Variants in MICAL3 observed in about 807,000 individuals in gnomAD.
MICAL3 encodes microtubule associated monooxygenase, calponin and LIM domain containing 3, also known as [F-actin]-monooxygenase MICAL3.
Under a neutral mutation model 207.4 loss-of-function variants are expected in MICAL3, and 62 were observed. That is an observed-to-expected ratio of 0.30 (90% CI 0.24 to 0.37). The LOEUF is 0.37. Among genes scored for constraint, MICAL3 ranks in the 10% least tolerant of loss-of-function variants. The pLI, the probability that MICAL3 is intolerant of heterozygous loss-of-function variation, is 1.00. For missense variants in MICAL3, 2,368 were observed against 2,635.6 expected (o/e 0.90, Z 2.22); for synonymous variants, 1,077 against 1,069.3 (o/e 1.01, Z -0.14).
intron 19 of MICAL3, among the ~76,000 whole-genome samples, chr22:17,852,668 A>C (rs1002773052): frequency 2.0e-5 from 3 of 152,192 alleles, no homozygotes; most frequent in Non-Finnish European, 4.4e-5. Context: ...CCTGGGTCTA[A>C]CCAGCAACCC....
rs375482061 is a variant in MICAL3, at chr22:17,860,103, C to A, written c.2605+4796G>T. 6 of 865,316 alleles carry A rather than the reference C, an allele frequency of 6.9e-6. No individual in the cohort carries two copies. The South Asian group carries it at 2.1e-4, about 31-fold the overall frequency. 53.6% of individuals were successfully genotyped at this position (865,316 alleles called of 1,614,324 possible). On this transcript the variant is annotated intron_variant, in intron 19 of 31. Transcript: ENST00000441493. ...CTCCCAAGACCTGCCTGAGCCTCCC[C>A]CTTTCCCACCCTCTGGTCAAGAGAA...
chr22:17,831,255 C>T (rs1404228647), intron 21 of MICAL3, among the ~76,000 whole-genome samples: 1 of 81,210 alleles, frequency 1.2e-5, no homozygotes, highest in East Asian at 2.7e-4. Flanking sequence ...CAGCAAGTCC[C>T]TCCTCATCAC....
intron 27 of MICAL3, among the ~76,000 whole-genome samples, 159 bp downstream of exon 27, chr22:17,816,531 C>A (rs1921016327): frequency 6.6e-6 from 1 of 152,260 alleles, no homozygotes; most frequent in African/African-American, 2.4e-5. Context: ...AGCGTGACCG[C>A]CTCAGTGCAT....
At chr22:17,820,062 T>C (rs1446273430) in intron 25 of MICAL3, among the ~76,000 whole-genome samples, 6 of 146,398 alleles carry the variant, frequency 4.1e-5, no homozygotes, top group Non-Finnish European at 7.5e-5. Context: ...AGCCGAGGAG[T>C]TGGGAGGCTG....
intron 16 of MICAL3, among the ~76,000 whole-genome samples, chr22:17,878,001 C>T (rs763816873): frequency 6.6e-5 from 10 of 152,126 alleles, no homozygotes; most frequent in Non-Finnish European, 1.0e-4. Flanking sequence ...TACAGGCACC[C>T]GCCACCATGC....
At chr22:17,955,048 T>C (rs1393545935) in intron 1 of MICAL3, among the ~76,000 whole-genome samples, 1 of 151,930 alleles carries the variant, frequency 6.6e-6, no homozygotes, top group Non-Finnish European at 1.5e-5. Flanking sequence ...AACTACTTAC[T>C]AGCTGTGTGA....
At chr22:17,886,942 C>T (rs1467080905) in intron 15 of MICAL3, among the ~76,000 whole-genome samples, 2 of 120,296 alleles carry the variant, frequency 1.7e-5, no homozygotes, top group South Asian at 2.7e-4. Flanking sequence ...GAGCCCAGAT[C>T]GTGCCACTAT....
intron 1 of MICAL3, among the ~76,000 whole-genome samples, chr22:17,922,946 A>G (rs557436083): frequency 6.6e-6 from 1 of 152,290 alleles, no homozygotes; most frequent in Admixed American, 6.5e-5. Context: ...TTTCCCTTGA[A>G]ATTAGCTTAA....
chr22:17,795,259 C>T (rs1309629694), intron 29 of MICAL3, among the ~76,000 whole-genome samples: 4 of 152,238 alleles, frequency 2.6e-5, no homozygotes, highest in Non-Finnish European at 5.9e-5. Flanking sequence ...GCCTTACAGC[C>T]GACCTACAGT....
rs1365453228 is a variant in MICAL3, at chr22:17,787,671, T to C, written c.*3061A>G. 1 of 152,286 alleles carries C rather than the reference T, an allele frequency of 6.6e-6. No homozygotes were observed. Among genetic ancestry groups the C allele is most frequent in the Non-Finnish European group, 1.5e-5 (1 of 68,046 alleles). 9.4% of individuals were successfully genotyped at this position (152,286 alleles called of 1,614,324 possible). On this transcript the variant is annotated 3_prime_UTR_variant, in exon 32 of 32. Transcript: ENST00000441493. ...CTATTTATTTGAAAAACTTTTATTT[T>C]GCATAAAACAGACCCATTCCCTTTG...
intron 16 of MICAL3, among the ~76,000 whole-genome samples, chr22:17,877,421 T>G (rs905903240): frequency 2.4e-4 from 23 of 94,356 alleles, no homozygotes; most frequent in Middle Eastern, 6.9e-3. Context: ...TTATGGAGGT[T>G]AGGGAGATTA....
intron 1 of MICAL3, among the ~76,000 whole-genome samples, chr22:17,961,702 T>C (rs926285969): frequency 2.0e-5 from 3 of 152,052 alleles, no homozygotes; most frequent in African/African-American, 4.8e-5. Flanking sequence ...AGACTTGGGG[T>C]GTGGGTGGGA....
chr22:17,938,494 T>G (rs1370119346), intron 1 of MICAL3, among the ~76,000 whole-genome samples: 2 of 152,120 alleles, frequency 1.3e-5, no homozygotes, highest in Admixed American at 6.5e-5. Flanking sequence ...TTACCAATGC[T>G]CCTCCTTACG....
intron 2 of MICAL3, 50 bp downstream of exon 2, chr22:17,906,499 G>A (rs2146267788): frequency 1.2e-6 from 2 of 1,612,136 alleles, no homozygotes; most frequent in Non-Finnish European, 1.7e-6. Flanking sequence ...GTTGTTGAGG[G>A]AGAAGGCATC....
rs1421673749 is a variant in MICAL3 at position 17,909,646 on chromosome 22, AG to A, written c.-74-2761del. Among the ~76,000 whole-genome samples, 2 of 152,364 alleles carry A rather than the reference AG, an allele frequency of 1.3e-5. 1 individual carries two copies. The highest frequency in any genetic ancestry group is 3.9e-4 in the East Asian group (2 of 5,192). ...AATTAACATTCAGTTTCCCCAAAAA[AG>A]AAAGGTTTTATTCTAGGTAGCAGCA... On this transcript the variant is annotated intron_variant, in intron 1 of 31. Transcript: ENST00000441493.
intron 16 of MICAL3, among the ~76,000 whole-genome samples, chr22:17,884,646 T>C (rs1163227267): frequency 6.6e-6 from 1 of 152,236 alleles, no homozygotes; most frequent in Non-Finnish European, 1.5e-5. Flanking sequence ...AAGCCACTAA[T>C]TCTGATTTGG....
chr22:18,007,780 G>A (rs1288811701), intron 1 of MICAL3, among the ~76,000 whole-genome samples: 1 of 151,592 alleles, frequency 6.6e-6, no homozygotes, highest in Non-Finnish European at 1.5e-5. Flanking sequence ...AAAATTAGCC[G>A]GGCATGGTGG....
chr22:17,842,144 G>T, intron 19 of MICAL3, 127 bp from the exon 20 acceptor site: 1 of 900,920 alleles, frequency 1.1e-6, no homozygotes, highest in Non-Finnish European at 1.7e-6. Context: ...CAGAGCATTT[G>T]CAGAGTTGCC....
chr22:17,838,087 G>A lies in MICAL3; in HGVS notation c.2801+3735C>T, dbSNP rs552471868. Among the ~76,000 whole-genome samples the A allele has an allele frequency of 8.3e-4, 127 of 152,326 alleles. 1 individual carries two copies. The highest frequency in any genetic ancestry group is 3.0e-3 in the African/African-American group (124 of 41,566). The stretch of plus-strand genomic sequence containing the variant: ...CCCACAGTGCTGGGATTACGGGTGT[G>A]AGCCACCATGCCTGGCTGCAATTAT... On this transcript the variant is annotated intron_variant, in intron 20 of 31. Transcript: ENST00000441493.
Sources: allele counts gnomAD v4.1 joint callset (sites outside exome capture counted in the v4.1 genomes callset), GRCh38; gene constraint gnomAD v4.1.1; transcripts MANE v1.5; gene names NCBI Gene and HGNC (gene_info 2026-07-23, HGNC 2026-07-21).